SOBP: variants seen among roughly 807,000 people sequenced by gnomAD.
SOBP encodes the protein sine oculis-binding protein homolog.
SOBP carries 4 observed loss-of-function variants against 53.6 expected under a neutral mutation model. That is an observed-to-expected ratio of 0.07 (90% CI 0.04 to 0.17). The LOEUF is 0.17. Among genes scored for constraint, SOBP ranks in the 10% least tolerant of loss-of-function variants. The pLI is 1.00. For missense variants in SOBP, 1,088 were observed against 1,204.7 expected (o/e 0.90, Z 1.43); for synonymous variants, 584 against 522.6 (o/e 1.12, Z -1.60).
At position 107,606,989 on chromosome 6, in the gene SOBP, A is replaced by G. The variant is rs566085311; in HGVS notation, c.669+19814A>G. 2.0e-5 allele frequency among the ~76,000 whole-genome samples: 3 copies of G among 152,300 alleles called. No homozygotes were observed. The South Asian group carries it at 6.2e-4, about 32-fold the overall frequency. ...GGGTTTCGCCTGTTGTTGGGAGAGA[A>G]TCTGTCCTGAGAAAGGGGACTGGGA... is the stretch of plus-strand genomic sequence containing the variant. On this transcript the variant is annotated intron_variant, in intron 5 of 6. Coordinates refer to ENST00000317357, the MANE Select transcript of SOBP (RefSeq NM_018013.4).
chr6:107,503,131 G>A (rs1275849569), intron 1 of SOBP, among the ~76,000 whole-genome samples: 1 of 152,172 alleles, frequency 6.6e-6, no homozygotes, highest in Non-Finnish European at 1.5e-5. Context: ...TTGTAACCTA[G>A]CTTTCTGTAT....
Position 107,636,705 on chromosome 6 carries a change from G to A in SOBP, c.*3+1236G>A, listed in dbSNP as rs138636334. 4.9e-3 allele frequency among the ~76,000 whole-genome samples: 747 copies of A among 152,252 alleles called. 1 individual carries two copies. The highest frequency in any genetic ancestry group is 8.7e-3 in the Non-Finnish European group (592 of 68,010). The stretch of plus-strand genomic sequence containing the variant: ...GGGAGATACAAAGGTAAATGATGGC[G>A]TGCCCCCATCTGGTGGGAGTGCAAA... On this transcript the variant is annotated intron_variant, in intron 6 of 6. Coordinates refer to ENST00000317357, the MANE Select transcript of SOBP (RefSeq NM_018013.4).
At chr6:107,517,955 G>A (rs1254525450) in intron 3 of SOBP, among the ~76,000 whole-genome samples, 1 of 152,126 alleles carries the variant, frequency 6.6e-6, no homozygotes, top group African/African-American at 2.4e-5. Context: ...ATACACTGAA[G>A]GCCTTGAATT....
intron 5 of SOBP, among the ~76,000 whole-genome samples, chr6:107,600,972 T>C (rs1407117948): frequency 6.6e-6 from 1 of 152,202 alleles, no homozygotes; most frequent in Non-Finnish European, 1.5e-5. Flanking sequence ...TGTTAAATTA[T>C]ATAATGTGTA....
intron 5 of SOBP, among the ~76,000 whole-genome samples, chr6:107,587,845 T>C (rs1383369583): frequency 2.0e-5 from 3 of 152,212 alleles, no homozygotes; most frequent in Non-Finnish European, 2.9e-5. Context: ...TTCTATTAAA[T>C]GAATCTGTTG....
At chr6:107,517,026 T>G (rs1002727090) in intron 3 of SOBP, among the ~76,000 whole-genome samples, 1 of 152,202 alleles carries the variant, frequency 6.6e-6, no homozygotes, top group Non-Finnish European at 1.5e-5. Flanking sequence ...TTTTAAAATG[T>G]ATATGGAGAT....
intron 3 of SOBP, among the ~76,000 whole-genome samples, chr6:107,513,765 C>A (rs560873399): frequency 1.1e-3 from 164 of 151,346 alleles, no homozygotes; most frequent in African/African-American, 3.3e-3. Context: ...TTCACTGAAC[C>A]CTCAGTTTTC....
intron 6 of SOBP, among the ~76,000 whole-genome samples, chr6:107,642,661 AT>A (rs567410022): frequency 2.5e-4 from 38 of 152,204 alleles, no homozygotes; most frequent in Non-Finnish European, 4.9e-4. Flanking sequence ...CCTCATTCCC[AT>A]CCAGATATTT....
At chr6:107,508,887 GGA>G (rs756218505) in intron 3 of SOBP, among the ~76,000 whole-genome samples, 6 of 152,186 alleles carry the variant, frequency 3.9e-5, no homozygotes, top group Non-Finnish European at 7.3e-5. Context: ...TTAGGGGAGG[GGA>G]GATGATGATG....
At chr6:107,593,369 G>T (rs983327292) in intron 5 of SOBP, among the ~76,000 whole-genome samples, 1 of 152,188 alleles carries the variant, frequency 6.6e-6, no homozygotes, top group Non-Finnish European at 1.5e-5. Context: ...TTGCCCTTCA[G>T]ATTTCAGAGC....
chr6:107,581,178 T>A (rs969764384), intron 4 of SOBP, among the ~76,000 whole-genome samples: 1 of 152,014 alleles, frequency 6.6e-6, no homozygotes, highest in Non-Finnish European at 1.5e-5. Flanking sequence ...TGCAATAAAT[T>A]GGTGTGGAAT....
chr6:107,634,893 C>T lies in SOBP; in HGVS notation c.2049C>T (p.Ser683=), dbSNP rs945395751. 6.9e-6 allele frequency: 9 copies of T among 1,300,728 alleles called. No individual in the cohort carries two copies. The highest frequency in any genetic ancestry group is 1.9e-5 in the South Asian group (1 of 53,900). The allele number at this position is 1,300,728 out of a possible 1,614,324, so 80.6% of individuals were successfully genotyped here. A position where few individuals can be genotyped will look rare whatever the true frequency, so the allele number is the denominator to read the frequency against. The part of the protein sequence containing the change: ...HAHVKAEREP[S]AAERRTCGGC... ...ACGTCAAGGCGGAGCGCGAGCCGAG[C>T]GCCGCGGAGCGCAGGACCTGCGGCG... is the stretch of plus-strand genomic sequence containing the variant. The change falls in exon 6 of 7, where the codon AGC becomes AGT. Residue 683 remains serine, a synonymous_variant. Transcript: ENST00000317357. The surrounding 1 kb of genome is among the most constrained non-coding windows in gnomAD (Gnocchi z 4.5).
chr6:107,519,170 G>T (rs536403857), intron 3 of SOBP, among the ~76,000 whole-genome samples: 1 of 148,578 alleles, frequency 6.7e-6, no homozygotes, highest in Admixed American at 6.7e-5. Flanking sequence ...ACCTCCCAGT[G>T]GTTCTTATCA....
chr6:107,625,139 A>G (rs1054458475), intron 5 of SOBP, among the ~76,000 whole-genome samples: 6 of 152,366 alleles, frequency 3.9e-5, no homozygotes, highest in Middle Eastern at 6.8e-3. Context: ...CATGGGTACT[A>G]GAGCTTAAAT....
intron 5 of SOBP, among the ~76,000 whole-genome samples, chr6:107,589,962 A>C (rs1283502236): frequency 6.6e-6 from 1 of 152,206 alleles, no homozygotes; most frequent in African/African-American, 2.4e-5. Context: ...ACAGTGTAGC[A>C]GCCTGGTTTA....
Position 107,493,308 on chromosome 6 carries a change from A to T in SOBP, c.96+2596A>T, listed in dbSNP as rs368004119. On this transcript the variant is annotated intron_variant, in intron 1 of 6. Coordinates refer to ENST00000317357, the MANE Select transcript of SOBP (RefSeq NM_018013.4). The stretch of plus-strand genomic sequence containing the variant: ...CAGTGTAAACTAAGCCCTGGTAAGT[A>T]ATCACTGCCCGGCAGAAAGAAAGGA... Among the ~76,000 whole-genome samples the T allele has an allele frequency of 1.1e-4, 17 of 152,318 alleles. No homozygotes were observed. In the East Asian group the frequency reaches 2.5e-3, roughly 22 times the overall value.
chr6:107,522,724 TG>T lies in SOBP; in HGVS notation c.422-10734del, dbSNP rs550071244. On this transcript the variant is annotated intron_variant, in intron 3 of 6. Transcript: ENST00000317357. ...TGCCCAGCTAATTTTTGTATTTTTTTGTAGAGATGGTGTTTCACCATGTTGC... is the reference window on the plus strand; with the variant it reads ...TGCCCAGCTAATTTTTGTATTTTTTTTAGAGATGGTGTTTCACCATGTTGC... Among the ~76,000 whole-genome samples the T allele has an allele frequency of 3.2e-3, 486 of 151,760 alleles. 3 individuals carry two copies. The highest frequency in any genetic ancestry group is 0.011 in the African/African-American group (461 of 41,376).
intron 4 of SOBP, among the ~76,000 whole-genome samples, chr6:107,571,671 G>A (rs181598457): frequency 1.8e-3 from 271 of 152,282 alleles, no homozygotes; most frequent in African/African-American, 5.8e-3. Flanking sequence ...AAGAGGCCTC[G>A]TTTCTACCGG....
At chr6:107,617,515 G>T (rs1209745967) in intron 5 of SOBP, among the ~76,000 whole-genome samples, 2 of 152,214 alleles carry the variant, frequency 1.3e-5, no homozygotes, top group Non-Finnish European at 2.9e-5. Flanking sequence ...GTCTTTCTCA[G>T]TGTGACTCCC....
Sources: gnomAD v4.1 joint callset for allele counts (sites outside exome capture counted in the v4.1 genomes callset) on GRCh38, gnomAD v4.1.1 for gene constraint, Gnocchi (gnomAD v3.1) non-coding constraint, MANE v1.5 for transcripts, NCBI Gene and HGNC (gene_info 2026-07-23, HGNC 2026-07-21) for gene names.